The following VTCN1 variants were observed in gnomAD, a reference collection of about 807,000 sequenced individuals.
VTCN1 encodes the protein V-set domain containing T cell activation inhibitor 1.
In VTCN1, 26 loss-of-function variants were observed where a neutral mutation model predicts 26.5. The observed-to-expected ratio is 0.98, with a 90% confidence interval of 0.72 to 1.36. VTCN1 has a LOEUF of 1.36. Among genes scored for constraint, VTCN1 ranks in the 40% most tolerant of loss-of-function variants. The pLI is 0.00. For missense variants in VTCN1, 298 were observed against 337.7 expected (o/e 0.88, Z 0.92); for synonymous variants, 116 against 130.7 (o/e 0.89, Z 0.77).
chr1:117,187,889 A>G (rs1442614952), intron 1 of VTCN1, among the ~76,000 whole-genome samples: 2 of 152,004 alleles, frequency 1.3e-5, no homozygotes, highest in African/African-American at 4.8e-5. Flanking sequence ...GAAAAAAACT[A>G]AAAAAAGGGG....
In VTCN1 at chr1:117,153,340, A is replaced by T; in HGVS notation, c.475T>A (p.Tyr159Asn). 1.2e-6 allele frequency: 2 copies of T among 1,612,132 alleles called. No individual in the cohort carries two copies. The highest frequency in any genetic ancestry group is 1.7e-6 in the Non-Finnish European group (2 of 1,178,344). ...CGCAAGGTCTCTGAGCTGGCATTAT[A>T]GTCCACATTCACTTCCGGCATGCTG... Reference protein sequence around the residue: ...AFSMPEVNVDYNASSETLRCE... With the variant: ...AFSMPEVNVDNNASSETLRCE... Residue 159 changes from tyrosine to asparagine, a missense_variant, in exon 4 of 6, where the codon TAT (tyrosine) becomes AAT (asparagine). Transcript: ENST00000369458.
At chr1:117,181,894 G>A (rs1647689439) in intron 1 of VTCN1, among the ~76,000 whole-genome samples, 1 of 152,194 alleles carries the variant, frequency 6.6e-6, no homozygotes, top group Admixed American at 6.5e-5. Flanking sequence ...TCAGGCAGAT[G>A]GATGGCCTGA....
chr1:117,188,169 A>G (rs1648056135), intron 1 of VTCN1, among the ~76,000 whole-genome samples: 1 of 152,208 alleles, frequency 6.6e-6, no homozygotes, highest in African/African-American at 2.4e-5. Context: ...CATGGATTAG[A>G]ATTTAAATCA....
chr1:117,149,603 C>T (rs1159683285), intron 4 of VTCN1, among the ~76,000 whole-genome samples: 2 of 152,036 alleles, frequency 1.3e-5, no homozygotes, highest in Non-Finnish European at 2.9e-5. Flanking sequence ...TATGGATCCA[C>T]TTCAGTCATA....
At chr1:117,172,063 G>A (rs1470149012) in intron 1 of VTCN1, among the ~76,000 whole-genome samples, 1 of 152,154 alleles carries the variant, frequency 6.6e-6, no homozygotes, top group Non-Finnish European at 1.5e-5. Context: ...TCGGTCAGAC[G>A]TCCTCAGCCG....
At chr1:117,205,176 AGG>A (rs1205141454) in intron 1 of VTCN1, among the ~76,000 whole-genome samples, 7 of 148,746 alleles carry the variant, frequency 4.7e-5, no homozygotes, top group Admixed American at 2.7e-4. Flanking sequence ...AGAGAGAGAG[AGG>A]GGGGTCTCGC....
At chr1:117,149,507 A>G (rs1328367046) in intron 4 of VTCN1, among the ~76,000 whole-genome samples, 1 of 152,046 alleles carries the variant, frequency 6.6e-6, no homozygotes, top group African/African-American at 2.4e-5. Flanking sequence ...CCAGACCATT[A>G]CTGTAAGCTC....
At chr1:117,165,022 T>C (rs930115052) in intron 2 of VTCN1, among the ~76,000 whole-genome samples, 3 of 152,242 alleles carry the variant, frequency 2.0e-5, no homozygotes, top group African/African-American at 7.2e-5. Flanking sequence ...CTTTCTGTAT[T>C]GGGGAAAAGT....
At chr1:117,153,418 A>C in intron 3 of VTCN1, 49 bp from the exon 4 acceptor site, 1 of 1,552,260 alleles carries the variant, frequency 6.4e-7, no homozygotes, top group Non-Finnish European at 8.7e-7. Context: ...CAGACACGTA[A>C]GACAATATAG....
At chr1:117,148,233 A>G (rs1288184937) in intron 4 of VTCN1, among the ~76,000 whole-genome samples, 2 of 152,204 alleles carry the variant, frequency 1.3e-5, no homozygotes, top group Non-Finnish European at 2.9e-5. Context: ...AAATGAAATC[A>G]TACTTCTTTT....
At chr1:117,180,451 C>A (rs1343363226) in intron 1 of VTCN1, among the ~76,000 whole-genome samples, 4 of 152,138 alleles carry the variant, frequency 2.6e-5, no homozygotes, top group African/African-American at 9.7e-5. Context: ...ATTCTCACTG[C>A]AGAGAAAAAA....
At chr1:117,204,094 C>G (rs1236426284) in intron 1 of VTCN1, among the ~76,000 whole-genome samples, 2 of 152,196 alleles carry the variant, frequency 1.3e-5, no homozygotes, top group Admixed American at 1.3e-4. Flanking sequence ...ACAAAATGTC[C>G]TTAAGTCCAG....
At chr1:117,158,307 C>A (rs1189971503) in intron 2 of VTCN1, among the ~76,000 whole-genome samples, 1 of 152,224 alleles carries the variant, frequency 6.6e-6, no homozygotes, top group Non-Finnish European at 1.5e-5. Flanking sequence ...AATCTTCTGC[C>A]TGGGCATCCA....
chr1:117,203,472 T>C (rs930911294), intron 1 of VTCN1: 7 of 343,284 alleles, frequency 2.0e-5, no homozygotes, highest in African/African-American at 1.5e-4. Flanking sequence ...GAGGAAAAAC[T>C]GCCTGCCCTC....
At chr1:117,166,719 T>A (rs1652632628) in intron 2 of VTCN1, among the ~76,000 whole-genome samples, 1 of 150,362 alleles carries the variant, frequency 6.7e-6, no homozygotes, top group South Asian at 2.1e-4. Context: ...GGTACCAAAA[T>A]GTACTTTAGC....
chr1:117,170,193 C>A, intron 1 of VTCN1, 22 bp from the exon 2 acceptor site: 1 of 1,610,828 alleles, frequency 6.2e-7, no homozygotes, highest in Non-Finnish European at 8.5e-7. Context: ...GAGAGAGAAA[C>A]AGAAAATTAG....
chr1:117,173,091 TC>T, intron 1 of VTCN1: 1 of 706,816 alleles, frequency 1.4e-6, no homozygotes, highest in Non-Finnish European at 2.6e-6. Flanking sequence ...GCAGCTTCAT[TC>T]CTGAAGTCAG....
chr1:117,153,580 C>G (rs1417969972), intron 3 of VTCN1, among the ~76,000 whole-genome samples: 1 of 151,046 alleles, frequency 6.6e-6, no homozygotes, highest in Non-Finnish European at 1.5e-5. Context: ...TGCTATACAT[C>G]ACAACCCTTT....
In VTCN1 at chr1:117,144,923, C is replaced by T. The variant is rs772522602; in HGVS notation, c.*348G>A. The T allele has an allele frequency of 6.6e-5, 10 of 152,624 alleles. No individual in the cohort carries two copies. Among genetic ancestry groups the T allele is most frequent in the Admixed American group, 2.6e-4 (4 of 15,282 alleles). 9.5% of individuals were successfully genotyped at this position (152,624 alleles called of 1,614,324 possible). On this transcript the variant is annotated 3_prime_UTR_variant, in exon 6 of 6. Transcript: ENST00000369458. ...TCAGAGACAAAGAACATGCACTATCCTGTCCTCTCACTCCCCAGGTGACAG... is the reference window on the plus strand; with the variant it reads ...TCAGAGACAAAGAACATGCACTATCTTGTCCTCTCACTCCCCAGGTGACAG...
Sources: gnomAD v4.1 joint callset for allele counts (sites outside exome capture counted in the v4.1 genomes callset) on GRCh38, gnomAD v4.1.1 for gene constraint, MANE v1.5 for transcripts, NCBI Gene and HGNC (gene_info 2026-07-23, HGNC 2026-07-21) for gene names.